The following STK3 variants were observed in gnomAD, a reference collection of about 807,000 sequenced individuals.
STK3 encodes the protein serine/threonine-protein kinase 3.
In STK3, 41 loss-of-function variants were observed where a neutral mutation model predicts 58.0. The ratio of observed to expected loss-of-function variants is 0.71; its 90% CI spans 0.55 to 0.92. The LOEUF is 0.92. Ranked by LOEUF, STK3 falls within the 40% of genes least tolerant of loss-of-function variation. The pLI, the probability that STK3 is intolerant of heterozygous loss-of-function variation, is 0.00. For missense variants in STK3, 479 were observed against 602.7 expected (o/e 0.79, Z 2.15); for synonymous variants, 170 against 191.0 (o/e 0.89, Z 0.91).
intron 9 of STK3, among the ~76,000 whole-genome samples, chr8:98,531,433 G>A (rs1422850093): frequency 3.3e-5 from 5 of 152,186 alleles, no homozygotes; most frequent in African/African-American, 1.2e-4. Flanking sequence ...GGTCTCAACA[G>A]TGGGCTTAAA....
chr8:98,756,389 T>A lies in STK3; in HGVS notation c.237-6999A>T, dbSNP rs913654048. Among the ~76,000 whole-genome samples the A allele has an allele frequency of 4.6e-5, 7 of 151,948 alleles. 1 individual carries two copies. Among genetic ancestry groups the A allele is most frequent in the African/African-American group, 1.7e-4 (7 of 41,448 alleles). On this transcript the variant is annotated intron_variant, in intron 3 of 10. Coordinates refer to ENST00000419617, the MANE Select transcript of STK3 (RefSeq NM_006281.4). Reference sequence around the variant, plus strand: ...AACTGAAAGATTAGCGGGCCCAGGATAAAGTGAGTAAAGGATACAGTAGAA... The same window carrying A: ...AACTGAAAGATTAGCGGGCCCAGGAAAAAGTGAGTAAAGGATACAGTAGAA...
intron 1 of STK3, among the ~76,000 whole-genome samples, chr8:98,896,002 A>G (rs1406355625): frequency 6.6e-6 from 1 of 152,196 alleles, no homozygotes; most frequent in Non-Finnish European, 1.5e-5. Flanking sequence ...AATTTGATAG[A>G]GTTCAAATTT....
intron 1 of STK3, among the ~76,000 whole-genome samples, chr8:98,914,352 G>A (rs1839260768): frequency 6.6e-6 from 1 of 152,088 alleles, no homozygotes; most frequent in Non-Finnish European, 1.5e-5. Flanking sequence ...AGGCTGCTGT[G>A]AGTTGTGATT....
chr8:98,856,588 T>A (rs1490636497), intron 3 of STK3, among the ~76,000 whole-genome samples: 1 of 152,172 alleles, frequency 6.6e-6, no homozygotes, highest in Non-Finnish European at 1.5e-5. Flanking sequence ...AAATTAGAAC[T>A]CTCACACACT....
intron 3 of STK3, among the ~76,000 whole-genome samples, chr8:98,761,061 C>T (rs1484743338): frequency 6.6e-6 from 1 of 151,708 alleles, no homozygotes; most frequent in African/African-American, 2.4e-5. Context: ...CCATCAACAA[C>T]ATCATATAAT....
intron 6 of STK3, among the ~76,000 whole-genome samples, chr8:98,685,795 G>A (rs561594057): frequency 6.6e-6 from 1 of 151,886 alleles, no homozygotes; most frequent in Non-Finnish European, 1.5e-5. Flanking sequence ...AGGTAGAGAG[G>A]GGGGTGAGGG....
At chr8:98,359,522 C>CA in the STK3 span, among the ~76,000 whole-genome samples, 9,276 of 114,398 alleles carry the variant, frequency 0.081, 1,124 homozygotes, top group African/African-American at 0.26. Flanking sequence ...GACTCTGGCT[C>CA]AAAAAAAAAA....
intron 6 of STK3, among the ~76,000 whole-genome samples, chr8:98,700,875 C>T (rs1219948343): frequency 3.9e-5 from 6 of 152,130 alleles, no homozygotes; most frequent in Non-Finnish European, 5.9e-5. Context: ...TTACAGGTTA[C>T]GCCTGTACTC....
chr8:98,862,680 A>T (rs1323343064), intron 3 of STK3, among the ~76,000 whole-genome samples: 2 of 152,230 alleles, frequency 1.3e-5, no homozygotes, highest in Non-Finnish European at 1.5e-5. Context: ...ATGCGATTTT[A>T]GTTCATGCAA....
chr8:98,500,901 T>C (rs549797716), intron 10 of STK3, among the ~76,000 whole-genome samples: 1 of 152,342 alleles, frequency 6.6e-6, no homozygotes, highest in African/African-American at 2.4e-5. Context: ...GTAGCATGAT[T>C]TATAATCCTT....
At chr8:98,860,330 C>G (rs779795806) in intron 3 of STK3, among the ~76,000 whole-genome samples, 1 of 152,130 alleles carries the variant, frequency 6.6e-6, no homozygotes, top group Non-Finnish European at 1.5e-5. Flanking sequence ...AGAGAGGTGA[C>G]GTCTGATACC....
At chr8:98,512,553 A>C (rs950021340) in intron 10 of STK3, among the ~76,000 whole-genome samples, 3 of 152,188 alleles carry the variant, frequency 2.0e-5, no homozygotes, top group Non-Finnish European at 2.9e-5. Flanking sequence ...TGAAGCTAAA[A>C]ATTTCTTACC....
chr8:98,435,119 G>C (rs187320503), intron 2 of STK3, among the ~76,000 whole-genome samples: 1 of 152,290 alleles, frequency 6.6e-6, no homozygotes, highest in East Asian at 1.9e-4. Context: ...TTGGATGAAG[G>C]GGGCAATGAG....
intron 3 of STK3, among the ~76,000 whole-genome samples, chr8:98,419,087 A>C (rs1226830097): frequency 6.6e-6 from 1 of 152,172 alleles, no homozygotes; most frequent in Non-Finnish European, 1.5e-5. Context: ...CTGGCTAGGT[A>C]CGGTGGCTCA....
rs1823606593 is a variant in STK3 at position 98,681,098 on chromosome 8, A to G, written c.684+25369T>C. On this transcript the variant is annotated intron_variant, in intron 6 of 10. Transcript: ENST00000419617. Reference sequence around the variant, plus strand: ...ACTGCAACCTCCGCCTTCTGGGTTCAAGCAACTCTCCTGCCTCAGCCTCCC... The same window carrying G: ...ACTGCAACCTCCGCCTTCTGGGTTCGAGCAACTCTCCTGCCTCAGCCTCCC... Among the ~76,000 whole-genome samples, 4 of 151,552 alleles carry G rather than the reference A, an allele frequency of 2.6e-5. No individual in the cohort carries two copies. The South Asian group carries it at 6.2e-4, about 24-fold the overall frequency.
At chr8:98,691,459 A>T (rs1824395034) in intron 6 of STK3, among the ~76,000 whole-genome samples, 2 of 152,192 alleles carry the variant, frequency 1.3e-5, no homozygotes, top group African/African-American at 4.8e-5. Context: ...ATTACAAAGA[A>T]GACATACAAA....
chr8:98,716,051 G>A (rs763530183), intron 4 of STK3, among the ~76,000 whole-genome samples: 11 of 152,086 alleles, frequency 7.2e-5, no homozygotes, highest in East Asian at 1.9e-4. Context: ...AACAAACACC[G>A]CATGTTCTCA....
At chr8:98,654,625 C>T (rs1806971227) in intron 6 of STK3, among the ~76,000 whole-genome samples, 1 of 152,182 alleles carries the variant, frequency 6.6e-6, no homozygotes, top group Non-Finnish European at 1.5e-5. Context: ...TGATAAGCAA[C>T]TTCAGCAAAG....
rs189144710 is a variant in STK3 at position 98,631,379 on chromosome 8, T to C, written c.685-35210A>G. On this transcript the variant is annotated intron_variant, in intron 6 of 10. Coordinates refer to ENST00000419617, the MANE Select transcript of STK3 (RefSeq NM_006281.4). Reference sequence around the variant, plus strand: ...CCTCTGATCTCATCTCCTACTTCTTTCACCATCTTATCCAGCTCCAGCCAC... The same window carrying C: ...CCTCTGATCTCATCTCCTACTTCTTCCACCATCTTATCCAGCTCCAGCCAC... Among the ~76,000 whole-genome samples, 7 of 152,288 alleles carry C rather than the reference T, an allele frequency of 4.6e-5. No individual in the cohort carries two copies. In the East Asian group the frequency reaches 1.4e-3, roughly 29 times the overall value.
Sources: gnomAD v4.1 joint callset for allele counts (sites outside exome capture counted in the v4.1 genomes callset) on GRCh38, gnomAD v4.1.1 for gene constraint, MANE v1.5 for transcripts, NCBI Gene and HGNC (gene_info 2026-07-23, HGNC 2026-07-21) for gene names.